PRR11: variants seen among roughly 807,000 people sequenced by gnomAD.
The protein encoded by PRR11 is proline rich 11, also known as proline-rich protein 11.
Under a neutral mutation model 45.6 loss-of-function variants are expected in PRR11, and 30 were observed. The ratio of observed to expected loss-of-function variants is 0.66; its 90% CI spans 0.49 to 0.89. The LOEUF is 0.89. Among genes scored for constraint, PRR11 ranks in the 40% least tolerant of loss-of-function variants. PRR11 has a pLI of 0.00. For missense variants in PRR11, 373 were observed against 424.8 expected (o/e 0.88, Z 1.07); for synonymous variants, 128 against 153.5 (o/e 0.83, Z 1.23).
intron 2 of PRR11, among the ~76,000 whole-genome samples, chr17:59,180,460 C>T (rs1408219353): frequency 6.7e-6 from 1 of 150,046 alleles, no homozygotes; most frequent in Non-Finnish European, 1.5e-5. Flanking sequence ...CACACACCTC[C>T]TCAGGTGCTC....
At chr17:59,168,638 C>A (rs1257537097) in intron 1 of PRR11, among the ~76,000 whole-genome samples, 1 of 151,878 alleles carries the variant, frequency 6.6e-6, no homozygotes, top group Non-Finnish European at 1.5e-5. Context: ...TGCAGTGAGC[C>A]AAGATCATGC....
At chr17:59,174,297 A>T (rs2046729902) in intron 2 of PRR11, among the ~76,000 whole-genome samples, 1 of 152,222 alleles carries the variant, frequency 6.6e-6, no homozygotes, top group Admixed American at 6.5e-5. Context: ...TTCTAATGTG[A>T]CAACATCACA....
intron 2 of PRR11, chr17:59,179,557 C>T: frequency 7.0e-7 from 1 of 1,423,108 alleles, no homozygotes. Context: ...CCACTGGGGG[C>T]ATATTTTTCC....
chr17:59,199,615 C>T (rs1391899401), intron 9 of PRR11, among the ~76,000 whole-genome samples: 1 of 152,154 alleles, frequency 6.6e-6, no homozygotes, highest in Non-Finnish European at 1.5e-5. Context: ...CGTCGGCTGC[C>T]CCTGCTGGAG....
intron 4 of PRR11, among the ~76,000 whole-genome samples, chr17:59,192,380 C>G (rs1246424318): frequency 6.6e-6 from 1 of 152,188 alleles, no homozygotes; most frequent in Non-Finnish European, 1.5e-5. Context: ...TTTTCAACCA[C>G]CAAGTTTGGG....
chr17:59,188,157 G>C (rs1568325206), intron 4 of PRR11, among the ~76,000 whole-genome samples: 1 of 152,096 alleles, frequency 6.6e-6, no homozygotes, highest in Non-Finnish European at 1.5e-5. Flanking sequence ...TATTACTAAA[G>C]AAGAAGGCAA....
intron 7 of PRR11, among the ~76,000 whole-genome samples, chr17:59,197,083 G>A (rs1263680869): frequency 3.3e-5 from 5 of 151,344 alleles, no homozygotes; most frequent in Non-Finnish European, 5.9e-5. Flanking sequence ...TCCTGACCTC[G>A]TGATCCATCT....
intron 4 of PRR11, among the ~76,000 whole-genome samples, chr17:59,189,368 C>T (rs2046830376): frequency 6.6e-6 from 1 of 152,004 alleles, no homozygotes; most frequent in Non-Finnish European, 1.5e-5. Context: ...AAGTACCGCT[C>T]TGTCGCCCAG....
chr17:59,181,014 G>C (rs1445238680), intron 2 of PRR11, among the ~76,000 whole-genome samples: 1 of 151,310 alleles, frequency 6.6e-6, no homozygotes, highest in African/African-American at 2.4e-5. Context: ...TTTTGAGACA[G>C]AGTCTCTCTC....
intron 2 of PRR11, chr17:59,178,414 C>A (rs2046760991): frequency 4.2e-6 from 2 of 475,872 alleles, no homozygotes; most frequent in Non-Finnish European, 8.3e-6. Context: ...TTAGAAGCTG[C>A]ACCCTCCCCC....
intron 2 of PRR11, among the ~76,000 whole-genome samples, chr17:59,177,688 C>G (rs1260778137): frequency 1.3e-5 from 2 of 152,196 alleles, no homozygotes; most frequent in East Asian, 3.9e-4. Context: ...AAGAGACCAG[C>G]AGAGTCCTGA....
At chr17:59,191,209 T>C (rs2046839272) in intron 4 of PRR11, among the ~76,000 whole-genome samples, 1 of 108,700 alleles carries the variant, frequency 9.2e-6, no homozygotes, top group African/African-American at 3.8e-5. Flanking sequence ...TCTTTCTTTT[T>C]TTCTTTTTTT....
rs1299836576 is a variant in PRR11 at position 59,193,630 on chromosome 17, G to A, written c.541G>A (p.Ala181Thr). Residue 181 changes from alanine (A) to threonine (T), a missense_variant, in exon 5 of 10, where the codon GCC becomes ACC. Coordinates refer to ENST00000262293, the MANE Select transcript of PRR11 (RefSeq NM_018304.4). ...AVLPPTLPQP[A>T]SHFPPPPPPP... is the part of the protein sequence containing the mutation. The stretch of plus-strand genomic sequence containing the variant: ...GCTTCCTCCCACACTGCCACAGCCA[G>A]CCAGCCATTTTCCTCCTCCTCCTCC... 4 of 1,614,068 alleles carry A rather than the reference G, an allele frequency of 2.5e-6. No individual in the cohort carries two copies. Among genetic ancestry groups the A allele is most frequent in the African/African-American group, 1.3e-5 (1 of 75,040 alleles).
chr17:59,173,723 A>C (rs550915880), intron 2 of PRR11, among the ~76,000 whole-genome samples: 1 of 152,178 alleles, frequency 6.6e-6, no homozygotes, highest in Admixed American at 6.5e-5. Context: ...CCAAGAACCC[A>C]CCAATTCCAG....
At chr17:59,200,932 A>G (rs2046889538) in intron 9 of PRR11, among the ~76,000 whole-genome samples, 1 of 151,012 alleles carries the variant, frequency 6.6e-6, no homozygotes, top group African/African-American at 2.4e-5. Context: ...GCCCACAACT[A>G]TCTTTTTTTT....
At position 59,180,694 on chromosome 17, in the gene PRR11, C is replaced by G. The variant is rs546998650; in HGVS notation, c.129-4360C>G. ...CTAAGTTTTGTATTTTTAGTATTGA[C>G]TAGGTTTCACTATATTGGTCAGGCT... On this transcript the variant is annotated intron_variant, in intron 2 of 9. Transcript: ENST00000262293. Among the ~76,000 whole-genome samples, 7 of 150,482 alleles carry G rather than the reference C, an allele frequency of 4.7e-5. No individual in the cohort carries two copies. The East Asian group carries it at 1.4e-3, about 30-fold the overall frequency.
chr17:59,195,498 G>A lies in PRR11; in HGVS notation c.857+55G>A, dbSNP rs750119634. ...TACTACTTAAAAGAATGATATTGTT[G>A]TACAAAGGCCTAAAGAAAAGGAAAA... On this transcript the variant is annotated intron_variant, in intron 7 of 9. Coordinates refer to ENST00000262293, the MANE Select transcript of PRR11 (RefSeq NM_018304.4). 5.6e-5 allele frequency: 67 copies of A among 1,188,196 alleles called. No individual in the cohort carries two copies. The Admixed American group carries it at 8.1e-4, about 14-fold the overall frequency. The allele number at this position is 1,188,196 out of a possible 1,614,324, so 73.6% of individuals were successfully genotyped here.
Position 59,203,312 on chromosome 17 carries a change from C to T in PRR11, c.*1681C>T, listed in dbSNP as rs1204122291. 1 of 152,184 alleles carries T rather than the reference C, an allele frequency of 6.6e-6. No homozygotes were observed. The highest frequency in any genetic ancestry group is 1.9e-4 in the East Asian group (1 of 5,170). The allele number at this position is 152,184 out of a possible 1,614,324, so 9.4% of individuals were successfully genotyped here. A position where few individuals can be genotyped will look rare whatever the true frequency, so the allele number is the denominator to read the frequency against. ...CAATCTTGGCTCACTGCAACCTCCA[C>T]CTCCCAGGTTCAAGCAATTCTCCTG... On this transcript the variant is annotated 3_prime_UTR_variant, in exon 10 of 10. Transcript: ENST00000262293.
At chr17:59,179,563 T>C in intron 2 of PRR11, 1 of 1,442,348 alleles carries the variant, frequency 6.9e-7, no homozygotes, top group South Asian at 1.2e-5. Context: ...GGGGCATATT[T>C]TTCCCATTGG....
Sources: allele counts gnomAD v4.1 joint callset (sites outside exome capture counted in the v4.1 genomes callset), GRCh38; gene constraint gnomAD v4.1.1; transcripts MANE v1.5; gene names NCBI Gene and HGNC (gene_info 2026-07-23, HGNC 2026-07-21).